Variants in CYLC1 observed in about 807,000 individuals in gnomAD.
The protein encoded by CYLC1 is cylicin 1, also known as cylicin-1.
In CYLC1, 2 loss-of-function variants were observed where a neutral mutation model predicts 31.6. The observed-to-expected ratio is 0.06, with a 90% CI of 0.03 to 0.20. CYLC1 has a LOEUF of 0.20. CYLC1 is among the 10% of genes least tolerant of loss of function. CYLC1 has a pLI of 1.00. For synonymous variants in CYLC1, 185 were observed against 153.0 expected, an observed-to-expected ratio of 1.21 and a Z score of -1.54; for missense variants, 595 against 424.1, an observed-to-expected ratio of 1.40 and a Z score of -3.54.
rs767573119 is a variant in CYLC1, at chrX:83,874,520, A to G, written c.1812A>G (p.Arg604=). 2 of 1,210,333 alleles carry G rather than the reference A, an allele frequency of 1.7e-6. No homozygotes were observed. The highest frequency in any genetic ancestry group is 5.9e-5 in the East Asian group (2 of 33,751). ...KASTGRVPPS[R]EKPPLPACEP... is the part of the protein sequence containing the mutation. The stretch of plus-strand genomic sequence containing the variant: ...GTACAGGTAGAGTTCCTCCATCAAG[A>G]GAAAAACCACCACTCCCTGCTTGTG... Residue 604 remains arginine, a synonymous_variant, in exon 4 of 5, where the codon AGA becomes AGG. Coordinates refer to ENST00000329312, the MANE Select transcript of CYLC1 (RefSeq NM_021118.3).
chrX:83,881,132 T>G (rs767290468), intron 4 of CYLC1, among the ~76,000 whole-genome samples: 2 of 87,053 alleles, frequency 2.3e-5, no homozygotes, highest in African/African-American at 8.8e-5. Context: ...AAAGTGGGTG[T>G]TGTTGTTGTT....
At chrX:83,868,750 T>C (rs2031624883) in intron 1 of CYLC1, among the ~76,000 whole-genome samples, 1 of 111,480 alleles carries the variant, frequency 9.0e-6, no homozygotes, top group Admixed American at 9.6e-5. Context: ...ATTAGTTATG[T>C]TTCTTTGTAT....
intron 4 of CYLC1, among the ~76,000 whole-genome samples, chrX:83,876,372 A>T (rs1224774852): frequency 1.8e-5 from 2 of 111,218 alleles, no homozygotes; most frequent in African/African-American, 6.5e-5. Flanking sequence ...AATTTTTAAG[A>T]TAAGTAAGAA....
intron 1 of CYLC1, among the ~76,000 whole-genome samples, chrX:83,864,048 C>T (rs1166933200): frequency 9.0e-6 from 1 of 111,277 alleles, no homozygotes; most frequent in African/African-American, 3.3e-5. Context: ...ATGGCATCCA[C>T]GTTTTGTCTA....
At chrX:83,882,676 A>T (rs900939616) in intron 4 of CYLC1, among the ~76,000 whole-genome samples, 1 of 110,612 alleles carries the variant, frequency 9.0e-6, no homozygotes, top group African/African-American at 3.3e-5. Context: ...GTTGTTTTCT[A>T]TGGCTCAGTT....
Position 83,872,883 on chromosome X carries a change from C to T in CYLC1, c.178-3C>T. ...TGCTTATTATTCTAACCAATCTTTTCAGAGACATGACAAAAGAAAACTAGA... is the reference window on the plus strand; with the variant it reads ...TGCTTATTATTCTAACCAATCTTTTTAGAGACATGACAAAAGAAAACTAGA... On this transcript the variant is annotated splice_polypyrimidine_tract_variant and splice_region_variant and intron_variant, in intron 3 of 4. Transcript: ENST00000329312. 3.6e-6 allele frequency: 4 copies of T among 1,125,499 alleles called. No individual in the cohort carries two copies. The highest frequency in any genetic ancestry group is 1.9e-5 in the African/African-American group (1 of 53,935). 92.8% of individuals were successfully genotyped at this position (1,125,499 alleles called of 1,213,427 possible).
chrX:83,877,219 G>A (rs1435376072), intron 4 of CYLC1, among the ~76,000 whole-genome samples: 1 of 110,525 alleles, frequency 9.0e-6, no homozygotes, highest in Non-Finnish European at 1.9e-5. Flanking sequence ...TCCAAAATAT[G>A]TCCTGACTGA....
At chrX:83,867,861 A>G (rs745922955) in intron 1 of CYLC1, among the ~76,000 whole-genome samples, 5 of 111,850 alleles carry the variant, frequency 4.5e-5, no homozygotes, top group African/African-American at 1.3e-4. Context: ...TAGAAATTAA[A>G]ATACGGATAT....
At chrX:83,876,717 A>T (rs767833732) in intron 4 of CYLC1, among the ~76,000 whole-genome samples, 51 of 110,704 alleles carry the variant, frequency 4.6e-4, no homozygotes, top group Non-Finnish European at 8.5e-4. Context: ...TCTGTCTGGA[A>T]ATACTTCCAT....
At chrX:83,878,591 G>A (rs2031863700) in intron 4 of CYLC1, among the ~76,000 whole-genome samples, 1 of 93,042 alleles carries the variant, frequency 1.1e-5, no homozygotes, top group Admixed American at 1.4e-4. Flanking sequence ...CAGCACCTAT[G>A]TTATATTTAG....
chrX:83,863,938 T>C (rs2031553854), intron 1 of CYLC1, among the ~76,000 whole-genome samples: 1 of 111,698 alleles, frequency 9.0e-6, no homozygotes, highest in South Asian at 3.8e-4. Flanking sequence ...CCAGAGGTTC[T>C]AAGGGAGACT....
At chrX:83,885,465 A>G (rs1030482918) in intron 4 of CYLC1, among the ~76,000 whole-genome samples, 2 of 109,635 alleles carry the variant, frequency 1.8e-5, no homozygotes, top group African/African-American at 6.6e-5. Flanking sequence ...TAGTAATGCG[A>G]CTATTATATA....
At chrX:83,871,201 G>C (rs2031658466) in intron 2 of CYLC1, among the ~76,000 whole-genome samples, 1 of 110,609 alleles carries the variant, frequency 9.0e-6, no homozygotes, top group African/African-American at 3.3e-5. Flanking sequence ...TTAAATATCT[G>C]TGAAAATTAG....
chrX:83,880,685 G>A (rs1412799285), intron 4 of CYLC1, among the ~76,000 whole-genome samples: 1 of 110,931 alleles, frequency 9.0e-6, no homozygotes, highest in Non-Finnish European at 1.9e-5. Flanking sequence ...TTCCCTATAG[G>A]AAAATGAAAC....
chrX:83,869,967 T>G, intron 2 of CYLC1, 62 bp downstream of exon 2: 2 of 645,800 alleles, frequency 3.1e-6, no homozygotes, highest in Non-Finnish European at 4.2e-6. Flanking sequence ...TAGGAACTAA[T>G]GACAAGTATA....
intron 1 of CYLC1, among the ~76,000 whole-genome samples, chrX:83,866,286 C>T (rs1222257967): frequency 9.0e-6 from 1 of 111,571 alleles, no homozygotes; most frequent in African/African-American, 3.3e-5. Flanking sequence ...GAATCATTGG[C>T]CTCAAGCAAT....
intron 1 of CYLC1, among the ~76,000 whole-genome samples, chrX:83,861,686 A>G (rs1158127662): frequency 8.9e-6 from 1 of 111,996 alleles, no homozygotes; most frequent in Non-Finnish European, 1.9e-5. Flanking sequence ...AAGATAAAGT[A>G]TTATTCATAT....
chrX:83,861,894 G>T (rs1007804992), intron 1 of CYLC1, among the ~76,000 whole-genome samples: 9 of 110,527 alleles, frequency 8.1e-5, no homozygotes, highest in African/African-American at 3.0e-4. Context: ...AAACTATTTT[G>T]ACCTACAAAA....
intron 4 of CYLC1, among the ~76,000 whole-genome samples, chrX:83,875,154 A>G (rs2031740933): frequency 9.0e-6 from 1 of 111,371 alleles, no homozygotes; most frequent in Admixed American, 9.6e-5. Flanking sequence ...AGCCCTCATT[A>G]TAACTGATAT....
Sources: gnomAD v4.1 joint callset for allele counts (sites outside exome capture counted in the v4.1 genomes callset) on GRCh38, gnomAD v4.1.1 for gene constraint, MANE v1.5 for transcripts, NCBI Gene and HGNC (gene_info 2026-07-23, HGNC 2026-07-21) for gene names.